Variants in ARSJ observed in about 807,000 individuals in gnomAD.
The protein encoded by ARSJ is arylsulfatase J.
Under a neutral mutation model 35.9 loss-of-function variants are expected in ARSJ, and 26 were observed. The observed-to-expected ratio is 0.72, with a 90% CI of 0.53 to 1.00. The LOEUF (loss-of-function observed/expected upper bound fraction) is 1.00, where lower values mean the gene tolerates loss of function less well. ARSJ is among the 50% of genes least tolerant of loss of function. The probability of loss-of-function intolerance (pLI) is 0.00; values close to 1 mark genes in which losing one functional copy is unlikely to be tolerated. For synonymous variants in ARSJ, 294 were observed against 267.6 expected (o/e 1.10, Z -0.96); for missense variants, 667 against 723.6 (o/e 0.92, Z 0.90).
At chr4:113,911,228 G>A (rs2099670345) in intron 1 of ARSJ, among the ~76,000 whole-genome samples, 1 of 152,158 alleles carries the variant, frequency 6.6e-6, no homozygotes, top group South Asian at 2.1e-4. Flanking sequence ...TATAAGGGGA[G>A]AGATTCAGAC....
intron 1 of ARSJ, among the ~76,000 whole-genome samples, chr4:113,968,301 T>C (rs1727021252): frequency 6.6e-6 from 1 of 152,186 alleles, no homozygotes; most frequent in African/African-American, 2.4e-5. Flanking sequence ...AATATTTATG[T>C]ATTTTTTAAT....
intron 1 of ARSJ, among the ~76,000 whole-genome samples, chr4:113,949,612 G>T (rs563450695): frequency 6.6e-6 from 1 of 152,000 alleles, no homozygotes; most frequent in South Asian, 2.1e-4. Flanking sequence ...CTCCCTTAAG[G>T]CCCAACTTAA....
chr4:113,920,925 A>C (rs1212030534), intron 1 of ARSJ, among the ~76,000 whole-genome samples: 1 of 152,136 alleles, frequency 6.6e-6, no homozygotes, highest in African/African-American at 2.4e-5. Flanking sequence ...GAATACATTA[A>C]ATAAAGAGCA....
chr4:113,941,060 T>C (rs1387946628), intron 1 of ARSJ, among the ~76,000 whole-genome samples: 1 of 151,924 alleles, frequency 6.6e-6, no homozygotes, highest in Non-Finnish European at 1.5e-5. Context: ...ATCTTTCTAT[T>C]TGGTTCTATA....
chr4:113,947,517 AGAGAGAGGGAGGGAGGGAGGGAAGGAAG>A (rs1215777321), intron 1 of ARSJ, among the ~76,000 whole-genome samples: 3 of 135,538 alleles, frequency 2.2e-5, no homozygotes, highest in Non-Finnish European at 3.2e-5. Context: ...AAAGAAAGAG[AGAGAGAGGGAGGGAGGGAGGGAAGGAAG>A]GAGAGAGGGA....
At chr4:113,967,157 ATC>A (rs1198395663) in intron 1 of ARSJ, among the ~76,000 whole-genome samples, 1 of 152,150 alleles carries the variant, frequency 6.6e-6, no homozygotes, top group African/African-American at 2.4e-5. Flanking sequence ...AATTTTCAAC[ATC>A]TCTTTGAGCT....
In ARSJ at chr4:113,902,828, C is replaced by T. The variant is rs1178045721; in HGVS notation, c.1246G>A (p.Val416Ile). The change falls in exon 2 of 2, where the codon GTA becomes ATA. Residue 416 changes from valine (V) to isoleucine (I), a missense_variant. Transcript: ENST00000315366. ...GGGTCAATGTTATGCAAAATATCTA[C>T]TCGGGGTGAGCGAAGACCCTCACTT... ...TISEGLRSPR[V>I]DILHNIDPIY... 8 of 1,614,130 alleles carry T rather than the reference C, an allele frequency of 5.0e-6. No homozygotes were observed. Among genetic ancestry groups the T allele is most frequent in the Non-Finnish European group, 6.8e-6 (8 of 1,180,026 alleles).
At chr4:113,924,013 T>C (rs1394539387) in intron 1 of ARSJ, among the ~76,000 whole-genome samples, 1 of 140,552 alleles carries the variant, frequency 7.1e-6, no homozygotes, top group Non-Finnish European at 1.5e-5. Context: ...CTACTATCTA[T>C]AGAATCTACA....
At position 113,978,713 on chromosome 4, in the gene ARSJ, T is replaced by C; in HGVS notation, c.122A>G (p.Tyr41Cys). 6.2e-7 allele frequency: 1 copy of C among 1,614,192 alleles called. No individual in the cohort carries two copies. Among genetic ancestry groups the C allele is most frequent in the Non-Finnish European group, 8.5e-7 (1 of 1,180,038 alleles). The change falls in exon 1 of 2, where the codon TAT (tyrosine) becomes TGT (cysteine). Residue 41 changes from tyrosine to cysteine, a missense_variant. By Grantham distance (194) the Tyr-to-Cys change is radical. Transcript: ENST00000315366. ...AGFWILCLLT[Y>C]GYLSWGQALE... ...GGCCTGGCCCCAGGACAGGTAACCA[T>C]AAGTGAGGAGGCAGAGGATCCAGAA...
chr4:113,923,550 T>C (rs1723815893), intron 1 of ARSJ, among the ~76,000 whole-genome samples: 2 of 152,132 alleles, frequency 1.3e-5, no homozygotes, highest in South Asian at 4.1e-4. Context: ...CTCAATAAAA[T>C]AGTAAACAGG....
chr4:113,940,446 A>G (rs531883169), intron 1 of ARSJ, among the ~76,000 whole-genome samples: 1 of 152,222 alleles, frequency 6.6e-6, no homozygotes, highest in East Asian at 1.9e-4. Context: ...CAATAGGAAC[A>G]CATGAACATA....
intron 1 of ARSJ, among the ~76,000 whole-genome samples, chr4:113,974,542 T>TA (rs996053519): frequency 2.6e-5 from 4 of 152,124 alleles, no homozygotes; most frequent in Non-Finnish European, 5.9e-5. Flanking sequence ...AAAGGGGATA[T>TA]AAAATGGGTC....
chr4:113,925,047 T>C (rs566482783), intron 1 of ARSJ, among the ~76,000 whole-genome samples: 1 of 152,210 alleles, frequency 6.6e-6, no homozygotes, highest in South Asian at 2.1e-4. Flanking sequence ...GGCATGGTAA[T>C]ACTAAGAGAC....
intron 1 of ARSJ, among the ~76,000 whole-genome samples, chr4:113,962,153 C>A (rs1246535980): frequency 2.6e-5 from 4 of 151,978 alleles, no homozygotes; most frequent in Non-Finnish European, 5.9e-5. Flanking sequence ...TCACCCAGTT[C>A]ATTCAACTCT....
chr4:113,936,513 T>C (rs1431579785), intron 1 of ARSJ, among the ~76,000 whole-genome samples: 2 of 151,924 alleles, frequency 1.3e-5, no homozygotes, highest in Non-Finnish European at 2.9e-5. Flanking sequence ...AATGTTGCTA[T>C]GTAAAGAAGA....
intron 1 of ARSJ, among the ~76,000 whole-genome samples, chr4:113,940,186 T>C (rs1191116421): frequency 6.6e-6 from 1 of 151,962 alleles, no homozygotes; most frequent in Non-Finnish European, 1.5e-5. Context: ...AGATACATGC[T>C]TGCATATGCT....
At position 113,902,462 on chromosome 4, in the gene ARSJ, T is replaced by C; in HGVS notation, c.1612A>G (p.Lys538Glu). 2 of 1,614,072 alleles carry C rather than the reference T, an allele frequency of 1.2e-6. No homozygotes were observed. The highest frequency in any genetic ancestry group is 1.1e-5 in the South Asian group (1 of 91,072). Reference protein sequence around the residue: ...KTAVPVRYPPKDPRSNPRLNG... With the variant: ...KTAVPVRYPPEDPRSNPRLNG... ...AGCCTAGGGTTACTTCTGGGGTCTT[T>C]GGGGGGATACCTGACCGGCACTGCA... The change falls in exon 2 of 2, where the codon AAA becomes GAA. Residue 538 changes from lysine to glutamate, a missense_variant. Transcript: ENST00000315366.
chr4:113,925,314 A>C (rs1723983779), intron 1 of ARSJ, among the ~76,000 whole-genome samples: 1 of 152,072 alleles, frequency 6.6e-6, no homozygotes, highest in African/African-American at 2.4e-5. Flanking sequence ...TGTCGCAGGA[A>C]CAGGGAGCAA....
intron 1 of ARSJ, among the ~76,000 whole-genome samples, chr4:113,952,755 C>T (rs1725942662): frequency 6.6e-6 from 1 of 151,964 alleles, no homozygotes; most frequent in South Asian, 2.1e-4. Flanking sequence ...AGGTTTACCC[C>T]GAAATTCCAC....
Sources: allele counts gnomAD v4.1 joint callset (sites outside exome capture counted in the v4.1 genomes callset), GRCh38; gene constraint gnomAD v4.1.1; transcripts MANE v1.5; gene names NCBI Gene and HGNC (gene_info 2026-07-23, HGNC 2026-07-21).